DGKG: variants seen among roughly 807,000 people sequenced by gnomAD.
DGKG encodes diacylglycerol kinase gamma.
A neutral mutation model predicts 105.3 loss-of-function variants in DGKG; 78 were observed. The ratio of observed to expected loss-of-function variants is 0.74; its 90% CI spans 0.62 to 0.89. The LOEUF (loss-of-function observed/expected upper bound fraction) is 0.89, where lower values mean the gene tolerates loss of function less well. Among genes scored for constraint, DGKG ranks in the 40% least tolerant of loss-of-function variants. The pLI, the probability that DGKG is intolerant of heterozygous loss-of-function variation, is 0.00. For synonymous variants in DGKG, 346 were observed against 367.1 expected (o/e 0.94, Z 0.66); for missense variants, 958 against 1,020.1 (o/e 0.94, Z 0.83).
At chr3:186,318,864 T>C (rs1724943147) in intron 2 of DGKG, among the ~76,000 whole-genome samples, 1 of 152,214 alleles carries the variant, frequency 6.6e-6, no homozygotes, top group Non-Finnish European at 1.5e-5. Flanking sequence ...ACAACCCCCA[T>C]ACCAGTTTCC....
rs568993763 is a variant in DGKG, at chr3:186,360,398, G to A, written c.-249+1548C>T. On this transcript the variant is annotated intron_variant, in intron 1 of 24. Coordinates refer to ENST00000265022, the MANE Select transcript of DGKG (RefSeq NM_001346.3). Reference sequence around the variant, plus strand: ...AGTGCTGGGTGTAAACGTTAAGGGTGATTGGCAAAAAAGACATAGATCAGG... The same window carrying A: ...AGTGCTGGGTGTAAACGTTAAGGGTAATTGGCAAAAAAGACATAGATCAGG... Among the ~76,000 whole-genome samples, 10 of 152,268 alleles carry A rather than the reference G, an allele frequency of 6.6e-5. No individual in the cohort carries two copies. In the East Asian group the frequency reaches 1.7e-3, roughly 26 times the overall value.
intron 1 of DGKG, among the ~76,000 whole-genome samples, chr3:186,357,692 T>G (rs754276658): frequency 6.6e-6 from 1 of 152,304 alleles, no homozygotes; most frequent in Middle Eastern, 3.4e-3. Flanking sequence ...ACTACCACCA[T>G]CCCTCCTTTA....
chr3:186,303,861 C>T (rs1313695862), intron 3 of DGKG, among the ~76,000 whole-genome samples: 1 of 152,240 alleles, frequency 6.6e-6, no homozygotes, highest in African/African-American at 2.4e-5. Context: ...CTTCCCACAG[C>T]TAACTCGTTT....
intron 17 of DGKG, among the ~76,000 whole-genome samples, chr3:186,254,001 T>G (rs896286324): frequency 1.3e-5 from 2 of 152,242 alleles, no homozygotes; most frequent in African/African-American, 4.8e-5. Flanking sequence ...CACAGATTCC[T>G]AATTATTCCT....
At chr3:186,349,336 G>A (rs1054846668) in intron 1 of DGKG, among the ~76,000 whole-genome samples, 5 of 152,160 alleles carry the variant, frequency 3.3e-5, no homozygotes, top group Admixed American at 2.0e-4. Flanking sequence ...GAGAATTCAT[G>A]CTCATCTTTA....
chr3:186,317,719 C>A (rs892665847), intron 2 of DGKG, among the ~76,000 whole-genome samples: 3 of 152,164 alleles, frequency 2.0e-5, no homozygotes, highest in Non-Finnish European at 2.9e-5. Context: ...CTGAGCGGGG[C>A]CTTCTCCTCC....
chr3:186,242,416 G>T, intron 20 of DGKG, 88 bp downstream of exon 20: 1 of 1,207,618 alleles, frequency 8.3e-7, no homozygotes, highest in Non-Finnish European at 1.1e-6. Context: ...GGCCCTGGCT[G>T]GGAAAATTTC....
chr3:186,237,108 T>G (rs1474515055), intron 20 of DGKG, among the ~76,000 whole-genome samples: 2 of 152,364 alleles, frequency 1.3e-5, no homozygotes, highest in East Asian at 3.9e-4. Context: ...TACTGATTGC[T>G]GCCTGTTTGT....
chr3:186,209,091 TTC>T lies in DGKG; in HGVS notation c.1917+2702_1917+2703del, dbSNP rs1466782438. Among the ~76,000 whole-genome samples, 50 of 114,550 alleles carry T rather than the reference TTC, an allele frequency of 4.4e-4. No individual in the cohort carries two copies. In the South Asian group the frequency reaches 5.0e-3, roughly 11 times the overall value. 75.1% of individuals were successfully genotyped at this position (114,550 alleles called of 152,430 possible). A position where few individuals can be genotyped will look rare whatever the true frequency, so the allele number is the denominator to read the frequency against. On this transcript the variant is annotated intron_variant, in intron 21 of 24. Transcript: ENST00000265022. ...ACTTTTCTCTCCCTTCAGTTTACTC[TTC>T]TTTTTTTTTTTTTTTTTTTTTTTAA...
chr3:186,193,668 A>T lies in DGKG; in HGVS notation c.1918-5289T>A, dbSNP rs1718020309. Among the ~76,000 whole-genome samples, 3 of 152,302 alleles carry T rather than the reference A, an allele frequency of 2.0e-5. No individual in the cohort carries two copies. In the South Asian group the frequency reaches 6.2e-4, roughly 32 times the overall value. ...GGAAGGCAGCCGTGCCGTCTGGGAA[A>T]GTGGAGCCGAGCCCGGGACGCTGTC... On this transcript the variant is annotated intron_variant, in intron 21 of 24. Transcript: ENST00000265022.
chr3:186,259,698 G>A (rs1235984550), intron 16 of DGKG, among the ~76,000 whole-genome samples: 1 of 151,940 alleles, frequency 6.6e-6, no homozygotes, highest in Admixed American at 6.6e-5. Flanking sequence ...CCCGGGCCCG[G>A]GGCCGGCCAG....
At chr3:186,174,140 C>G (rs146317292) in intron 22 of DGKG, among the ~76,000 whole-genome samples, 1 of 152,132 alleles carries the variant, frequency 6.6e-6, no homozygotes, top group Non-Finnish European at 1.5e-5. Flanking sequence ...TCCGAGTCTG[C>G]CTTTTATCTG....
intron 1 of DGKG, among the ~76,000 whole-genome samples, chr3:186,324,808 T>G (rs1193788428): frequency 6.6e-6 from 1 of 152,112 alleles, no homozygotes; most frequent in East Asian, 1.9e-4. Flanking sequence ...AAAACAGACC[T>G]CCCATGCAAT....
intron 21 of DGKG, among the ~76,000 whole-genome samples, chr3:186,206,633 G>C (rs1718753683): frequency 6.6e-6 from 1 of 152,100 alleles, no homozygotes; most frequent in African/African-American, 2.4e-5. Flanking sequence ...AGGTTAGAAT[G>C]AATATTAAGA....
At chr3:186,218,671 T>G (rs1410711552) in intron 20 of DGKG, among the ~76,000 whole-genome samples, 1 of 152,134 alleles carries the variant, frequency 6.6e-6, no homozygotes, top group Non-Finnish European at 1.5e-5. Context: ...TTGTCAGAAC[T>G]GACATTTTTG....
rs754070147 is a variant in DGKG, at chr3:186,188,184, T to G, written c.2095+18A>C. 9 of 1,613,920 alleles carry G rather than the reference T, an allele frequency of 5.6e-6. 1 individual carries two copies. The South Asian group carries it at 8.8e-5, about 16-fold the overall frequency. On this transcript the variant is annotated intron_variant, in intron 22 of 24. Transcript: ENST00000265022. ...ACTGGGCATTGACCTAAAACAATTA[T>G]CCTCATTCCTGGCTTACCTTGAACG... is the stretch of plus-strand genomic sequence containing the variant.
At chr3:186,330,194 A>G (rs1321060804) in intron 1 of DGKG, among the ~76,000 whole-genome samples, 1 of 152,144 alleles carries the variant, frequency 6.6e-6, no homozygotes, top group Admixed American at 6.5e-5. Flanking sequence ...ATACATCAAC[A>G]CTCACATTTT....
At chr3:186,198,573 C>T (rs868865207) in intron 21 of DGKG, among the ~76,000 whole-genome samples, 1 of 152,134 alleles carries the variant, frequency 6.6e-6, no homozygotes, top group South Asian at 2.1e-4. Flanking sequence ...AGCAGACTCC[C>T]TTGGAGGAAA....
chr3:186,304,260 T>G (rs978054802), intron 3 of DGKG, among the ~76,000 whole-genome samples: 4 of 152,168 alleles, frequency 2.6e-5, no homozygotes, highest in African/African-American at 9.6e-5. Flanking sequence ...GTGGGGGGTG[T>G]GGGGCAGTGA....
Sources: allele counts gnomAD v4.1 joint callset (sites outside exome capture counted in the v4.1 genomes callset), GRCh38; gene constraint gnomAD v4.1.1; transcripts MANE v1.5; gene names NCBI Gene and HGNC (gene_info 2026-07-23, HGNC 2026-07-21).